PCDHA4: variants seen among roughly 807,000 people sequenced by gnomAD.
PCDHA4 encodes the protein protocadherin alpha 4, also known as protocadherin alpha-4.
Under a neutral mutation model 61.4 loss-of-function variants are expected in PCDHA4, and 49 were observed. The ratio of observed to expected loss-of-function variants is 0.80; its 90% CI spans 0.63 to 1.01. The LOEUF (loss-of-function observed/expected upper bound fraction) is 1.01, where lower values mean the gene tolerates loss of function less well. PCDHA4 is among the 50% of genes least tolerant of loss of function. PCDHA4 has a pLI of 0.00. For synonymous variants in PCDHA4, 590 were observed against 550.3 expected (o/e 1.07, Z -1.01); for missense variants, 1,254 against 1,235.8 (o/e 1.01, Z -0.22).
At chr5:140,835,552 C>G (rs550090383) in intron 1 of PCDHA4, 1 of 1,613,824 alleles carries the variant, frequency 6.2e-7, no homozygotes. Flanking sequence ...TGCTCCCTGA[C>G]GCCCCGCGTT....
rs1317761194 is a variant in PCDHA4 at position 140,848,794 on chromosome 5, C to T, written c.2385+39222C>T. The T allele has an allele frequency of 3.1e-6, 5 of 1,592,486 alleles. No homozygotes were observed. The African/African-American group carries it at 5.4e-5, about 17-fold the overall frequency. On this transcript the variant is annotated intron_variant, in intron 1 of 3. Transcript: ENST00000530339. ...CGCGAGGAGCTGTGCGGGCGGAGCG[C>T]GGAGTGCAGCATCCACCTGGAGGTG...
intron 1 of PCDHA4, chr5:140,857,528 G>A: frequency 6.3e-7 from 1 of 1,597,766 alleles, no homozygotes; most frequent in Non-Finnish European, 8.6e-7. Flanking sequence ...CTACTCTCTG[G>A]TGGAGCGGCG....
At position 140,807,465 on chromosome 5, in the gene PCDHA4, A is replaced by G. The variant is rs782581382; in HGVS notation, c.278A>G (p.Glu93Gly). 6.2e-7 allele frequency: 1 copy of G among 1,612,204 alleles called. No individual in the cohort carries two copies. Among genetic ancestry groups the G allele is most frequent in the Non-Finnish European group, 8.5e-7 (1 of 1,179,380 alleles). ...TTTGTGAATTCTCGGATCGACCGGGAGGAGCTGTGCCGGCGGAGCGCGGAG... is the reference window on the plus strand; with the variant it reads ...TTTGTGAATTCTCGGATCGACCGGGGGGAGCTGTGCCGGCGGAGCGCGGAG... ...ILFVNSRIDR[E>G]ELCRRSAECS... The change falls in exon 1 of 4, where the codon GAG becomes GGG. Residue 93 changes from glutamate (E) to glycine (G), a missense_variant. Glu to Gly is a moderately conservative substitution (Grantham distance 98). Transcript: ENST00000530339.
At chr5:140,845,610 G>A (rs1779953371) in intron 1 of PCDHA4, among the ~76,000 whole-genome samples, 1 of 149,452 alleles carries the variant, frequency 6.7e-6, no homozygotes, top group Non-Finnish European at 1.5e-5. Context: ...ATTAAGTATT[G>A]TGGATTCTGA....
At chr5:140,893,655 T>G (rs894439477) in intron 1 of PCDHA4, among the ~76,000 whole-genome samples, 1 of 152,200 alleles carries the variant, frequency 6.6e-6, no homozygotes, top group Non-Finnish European at 1.5e-5. Flanking sequence ...GCTGATAGTT[T>G]TAAAAAATTT....
At chr5:140,925,966 A>G (rs782294082) in intron 1 of PCDHA4, among the ~76,000 whole-genome samples, 2 of 149,366 alleles carry the variant, frequency 1.3e-5, no homozygotes, top group Non-Finnish European at 3.0e-5. Flanking sequence ...CTATCACGCA[A>G]AAAAAAAGCC....
At chr5:140,848,091 A>C (rs1781318033) in intron 1 of PCDHA4, 1 of 168,880 alleles carries the variant, frequency 5.9e-6, no homozygotes, top group South Asian at 1.5e-4. Context: ...TTAAGTGGAG[A>C]GTTTTCTCAG....
At chr5:140,949,721 A>G (rs1466646683) in intron 1 of PCDHA4, among the ~76,000 whole-genome samples, 1 of 151,690 alleles carries the variant, frequency 6.6e-6, no homozygotes, top group East Asian at 1.9e-4. Context: ...CATTTTGATA[A>G]TATCTGCTTT....
At chr5:140,862,599 G>A (rs2047441695) in intron 1 of PCDHA4, 1 of 513,082 alleles carries the variant, frequency 1.9e-6, no homozygotes, top group East Asian at 5.2e-5. Context: ...AGTACATGGT[G>A]TTCGTGAAAG....
At position 140,841,739 on chromosome 5, in the gene PCDHA4, C is replaced by A. The variant is rs2150321877; in HGVS notation, c.2385+32167C>A. The A allele has an allele frequency of 3.7e-6, 6 of 1,613,880 alleles. No homozygotes were observed. In the South Asian group the frequency reaches 6.6e-5, roughly 18 times the overall value. On this transcript the variant is annotated intron_variant, in intron 1 of 3. Coordinates refer to ENST00000530339, the MANE Select transcript of PCDHA4 (RefSeq NM_018907.4). ...AGTGTTCCGGGTAAAAGACCAAAAG[C>A]TGTTTGTTTCAGAATCCAGAATGCC...
At chr5:140,822,806 A>C in intron 1 of PCDHA4, 2 of 1,614,176 alleles carry the variant, frequency 1.2e-6, no homozygotes, top group Non-Finnish European at 1.7e-6. Context: ...GATGTGAATG[A>C]TAATACCCCA....
chr5:140,944,410 C>G (rs1339076109), intron 1 of PCDHA4, among the ~76,000 whole-genome samples: 1 of 152,272 alleles, frequency 6.6e-6, no homozygotes, highest in Middle Eastern at 3.4e-3. Flanking sequence ...TGGTCTCGAA[C>G]TCCTGATCTG....
intron 1 of PCDHA4, chr5:140,828,134 C>T (rs2150151262): frequency 1.9e-6 from 3 of 1,613,682 alleles, no homozygotes; most frequent in South Asian, 1.1e-5. Flanking sequence ...GCAATGTCTG[C>T]TCCTCCCGCT....
intron 1 of PCDHA4, among the ~76,000 whole-genome samples, chr5:140,838,079 T>A (rs1373778941): frequency 4.7e-3 from 32 of 6,862 alleles, no homozygotes; most frequent in East Asian, 3.8e-3. Context: ...ATATATATAG[T>A]GTGTGTGTGT....
chr5:140,962,495 C>T (rs2153732507), intron 1 of PCDHA4, among the ~76,000 whole-genome samples: 1 of 152,240 alleles, frequency 6.6e-6, no homozygotes, highest in Admixed American at 6.5e-5. Context: ...AATTTTCAGA[C>T]ACCTCAGCCA....
chr5:140,989,842 G>A (rs1411244835), intron 3 of PCDHA4, among the ~76,000 whole-genome samples: 1 of 152,178 alleles, frequency 6.6e-6, no homozygotes, highest in Non-Finnish European at 1.5e-5. Context: ...GTCAATGAGT[G>A]TGTGGACTGG....
intron 1 of PCDHA4, among the ~76,000 whole-genome samples, chr5:140,947,550 G>A (rs967081376): frequency 7.3e-5 from 11 of 151,402 alleles, no homozygotes; most frequent in Admixed American, 3.9e-4. Flanking sequence ...AAAGAATTCC[G>A]CTGGGATTTA....
chr5:140,929,272 T>C (rs560527071), intron 1 of PCDHA4: 1 of 1,607,152 alleles, frequency 6.2e-7, no homozygotes. Flanking sequence ...TTTGCCAATA[T>C]CCTGTATTCA....
Position 141,000,421 on chromosome 5 carries a change from A to ATTTTTTT in PCDHA4, c.2534-9189_2534-9183dup, listed in dbSNP as rs34755515. Among the ~76,000 whole-genome samples the ATTTTTTT allele has an allele frequency of 5.7e-4, 16 of 27,980 alleles. 1 individual carries two copies. Among genetic ancestry groups the ATTTTTTT allele is most frequent in the African/African-American group, 8.9e-4 (5 of 5,638 alleles). 18.4% of individuals were successfully genotyped at this position (27,980 alleles called of 152,430 possible). ...TATATATATATATATATATATATAT[A>ATTTTTTT]TTTTTTTTTTTTTTTTTTTTTTTGA... On this transcript the variant is annotated intron_variant, in intron 3 of 3. Coordinates refer to ENST00000530339, the MANE Select transcript of PCDHA4 (RefSeq NM_018907.4).
Sources: gnomAD v4.1 joint callset for allele counts (sites outside exome capture counted in the v4.1 genomes callset) on GRCh38, gnomAD v4.1.1 for gene constraint, MANE v1.5 for transcripts, NCBI Gene and HGNC (gene_info 2026-07-23, HGNC 2026-07-21) for gene names.